STXBP5L: variants seen among roughly 807,000 people sequenced by gnomAD.
STXBP5L encodes syntaxin-binding protein 5-like.
STXBP5L carries 65 observed loss-of-function variants against 144.5 expected under a neutral mutation model. The ratio of observed to expected loss-of-function variants is 0.45; its 90% CI spans 0.37 to 0.55. The LOEUF is 0.55. STXBP5L is among the 20% of genes least tolerant of loss of function. The pLI is 0.00. For missense variants in STXBP5L, 1,298 were observed against 1,405.5 expected, an observed-to-expected ratio of 0.92 and a Z score of 1.22; for synonymous variants, 505 against 469.6, an observed-to-expected ratio of 1.08 and a Z score of -0.97.
At chr3:121,408,048 T>C (rs2047035258) in intron 23 of STXBP5L, among the ~76,000 whole-genome samples, 1 of 152,028 alleles carries the variant, frequency 6.6e-6, no homozygotes, top group South Asian at 2.1e-4. Context: ...AGAACTTCTC[T>C]AGGACATAGG....
chr3:121,313,363 C>G (rs1289789064), intron 19 of STXBP5L, among the ~76,000 whole-genome samples: 1 of 136,586 alleles, frequency 7.3e-6, no homozygotes, highest in African/African-American at 2.8e-5. Context: ...CACCTCCCTC[C>G]CGGACTGGGC....
At chr3:121,086,356 A>G (rs1226630577) in intron 5 of STXBP5L, among the ~76,000 whole-genome samples, 1 of 152,152 alleles carries the variant, frequency 6.6e-6, no homozygotes, top group Non-Finnish European at 1.5e-5. Context: ...GTTTTGGTCA[A>G]TGATGGACTA....
intron 5 of STXBP5L, among the ~76,000 whole-genome samples, chr3:121,065,855 G>T (rs1253683062): frequency 6.6e-6 from 1 of 152,130 alleles, no homozygotes; most frequent in East Asian, 1.9e-4. Flanking sequence ...TTTTGTTGTT[G>T]GTAGCATTCA....
intron 2 of STXBP5L, among the ~76,000 whole-genome samples, chr3:120,912,516 C>T (rs1293740906): frequency 6.6e-6 from 1 of 151,342 alleles, no homozygotes; most frequent in African/African-American, 2.4e-5. Flanking sequence ...TGTTCGCTAG[C>T]CTTAAAAAAG....
intron 22 of STXBP5L, among the ~76,000 whole-genome samples, chr3:121,385,427 G>A (rs1253375354): frequency 1.3e-5 from 2 of 152,146 alleles, no homozygotes; most frequent in Admixed American, 6.5e-5. Flanking sequence ...CAAGGAGATG[G>A]CGCTAAGCCA....
At chr3:121,289,122 C>T (rs534732490) in intron 19 of STXBP5L, among the ~76,000 whole-genome samples, 1 of 152,238 alleles carries the variant, frequency 6.6e-6, no homozygotes, top group Non-Finnish European at 1.5e-5. Flanking sequence ...TCCCCCAACA[C>T]ATAAGGACTC....
chr3:121,368,620 T>C (rs2045935570), intron 20 of STXBP5L, among the ~76,000 whole-genome samples: 1 of 152,162 alleles, frequency 6.6e-6, no homozygotes. Flanking sequence ...TGCTCCATTT[T>C]CTAGGGTTTA....
intron 9 of STXBP5L, 92 bp downstream of exon 9, chr3:121,157,719 A>G: frequency 6.7e-7 from 1 of 1,500,654 alleles, no homozygotes; most frequent in Non-Finnish European, 8.9e-7. Flanking sequence ...TTGGTAGAAA[A>G]AAGTAATAGG....
intron 2 of STXBP5L, among the ~76,000 whole-genome samples, chr3:120,919,222 T>C (rs1445061927): frequency 2.0e-5 from 3 of 152,128 alleles, no homozygotes; most frequent in Admixed American, 1.3e-4. Flanking sequence ...TTCAGTTTTG[T>C]ATAGCTCTTC....
intron 20 of STXBP5L, among the ~76,000 whole-genome samples, chr3:121,369,167 A>C (rs2045954714): frequency 6.6e-6 from 1 of 152,214 alleles, no homozygotes; most frequent in Admixed American, 6.5e-5. Context: ...TACTGAGCTA[A>C]GAGCTAAAAT....
At chr3:121,144,945 T>G (rs1166017926) in intron 7 of STXBP5L, among the ~76,000 whole-genome samples, 1 of 151,946 alleles carries the variant, frequency 6.6e-6, no homozygotes, top group Non-Finnish European at 1.5e-5. Flanking sequence ...ATATCAGGTA[T>G]CTAAAATAGT....
intron 5 of STXBP5L, among the ~76,000 whole-genome samples, chr3:121,059,024 GT>G (rs1948641472): frequency 6.6e-6 from 1 of 152,164 alleles, no homozygotes; most frequent in East Asian, 1.9e-4. Flanking sequence ...TGCTTTTGGT[GT>G]TTTAGTCATG....
At chr3:121,053,139 A>T (rs1377071641) in intron 5 of STXBP5L, among the ~76,000 whole-genome samples, 2 of 152,232 alleles carry the variant, frequency 1.3e-5, no homozygotes, top group Non-Finnish European at 2.9e-5. Flanking sequence ...GGTAGGAAGA[A>T]TCAATATCGT....
At chr3:121,310,333 G>A (rs1300443976) in intron 19 of STXBP5L, among the ~76,000 whole-genome samples, 1 of 151,436 alleles carries the variant, frequency 6.6e-6, no homozygotes, top group African/African-American at 2.4e-5. Context: ...GGCATGGGCT[G>A]GGCACAGTGG....
At chr3:121,370,758 C>G (rs746690965) in intron 20 of STXBP5L, among the ~76,000 whole-genome samples, 4 of 152,188 alleles carry the variant, frequency 2.6e-5, no homozygotes, top group Non-Finnish European at 5.9e-5. Context: ...GAAAGCCAGA[C>G]TTCAAGCTCT....
At chr3:120,963,801 A>C (rs1050654755) in intron 3 of STXBP5L, among the ~76,000 whole-genome samples, 5 of 152,144 alleles carry the variant, frequency 3.3e-5, no homozygotes, top group Admixed American at 6.6e-5. Flanking sequence ...TGAATTTGGG[A>C]GGATTTCCTC....
At chr3:121,261,261 G>T (rs918874947) in intron 18 of STXBP5L, among the ~76,000 whole-genome samples, 45 of 152,132 alleles carry the variant, frequency 3.0e-4, no homozygotes, top group African/African-American at 1.0e-3. Context: ...GTATGAAAAT[G>T]ACAGCTTGGA....
At chr3:121,277,649 A>T (rs1416091208) in intron 18 of STXBP5L, among the ~76,000 whole-genome samples, 1 of 151,192 alleles carries the variant, frequency 6.6e-6, no homozygotes, top group Non-Finnish European at 1.5e-5. Context: ...TGGTTATCAT[A>T]TTTTCCTGAT....
intron 2 of STXBP5L, among the ~76,000 whole-genome samples, chr3:120,934,362 C>T (rs1710142210): frequency 6.6e-6 from 1 of 151,934 alleles, no homozygotes; most frequent in African/African-American, 2.4e-5. Flanking sequence ...TTAGAGCATA[C>T]TTTGTTTGGT....
Sources: gnomAD v4.1 joint callset for allele counts (sites outside exome capture counted in the v4.1 genomes callset) on GRCh38, gnomAD v4.1.1 for gene constraint, MANE v1.5 for transcripts, NCBI Gene and HGNC (gene_info 2026-07-23, HGNC 2026-07-21) for gene names.